The following SLC36A2 variants were observed in gnomAD, a reference collection of about 807,000 sequenced individuals.
SLC36A2 encodes the protein solute carrier family 36 member 2, also known as proton-coupled amino acid transporter 2.
Under a neutral mutation model 42.7 loss-of-function variants are expected in SLC36A2, and 39 were observed. That is an observed-to-expected ratio of 0.91 (90% CI 0.71 to 1.19). The LOEUF (loss-of-function observed/expected upper bound fraction) is 1.19, where lower values mean the gene tolerates loss of function less well. SLC36A2 is among the 50% of genes most tolerant of loss of function. The pLI, the probability that SLC36A2 is intolerant of heterozygous loss-of-function variation, is 0.00. For missense variants in SLC36A2, 590 were observed against 613.7 expected, an observed-to-expected ratio of 0.96 and a Z score of 0.41; for synonymous variants, 237 against 240.8, an observed-to-expected ratio of 0.98 and a Z score of 0.15.
At chr5:151,333,364 C>T (rs760252205) in intron 6 of SLC36A2, 42 bp from the exon 7 acceptor site, 3 of 1,505,118 alleles carry the variant, frequency 2.0e-6, no homozygotes, top group East Asian at 2.3e-5. Flanking sequence ...ACTCTTAAAG[C>T]ACATTTGAGC....
chr5:151,318,476 A>G (rs1364103112), intron 9 of SLC36A2, among the ~76,000 whole-genome samples: 2 of 136,938 alleles, frequency 1.5e-5, no homozygotes, highest in East Asian at 2.0e-4. Flanking sequence ...TAAATAAAAT[A>G]TATTTTATAT....
intron 7 of SLC36A2, among the ~76,000 whole-genome samples, chr5:151,329,202 C>T (rs1755928210): frequency 6.6e-6 from 1 of 152,210 alleles, no homozygotes; most frequent in Non-Finnish European, 1.5e-5. Context: ...CCAATTGGCA[C>T]TGTGTAGCAC....
chr5:151,316,797 G>A lies in SLC36A2; in HGVS notation c.*20C>T, dbSNP rs1755506447. On this transcript the variant is annotated 3_prime_UTR_variant, in exon 10 of 10. Coordinates refer to ENST00000335244, the MANE Select transcript of SLC36A2 (RefSeq NM_181776.3). ...TATAATTAAAAGTCGGGTGCTGGTA[G>A]GCAAGGAGCAGTGCCAGGCTCACCG... is the stretch of plus-strand genomic sequence containing the variant. 1.9e-6 allele frequency: 3 copies of A among 1,611,842 alleles called. No homozygotes were observed. The African/African-American group carries it at 4.0e-5, about 22-fold the overall frequency.
intron 9 of SLC36A2, chr5:151,319,117 G>T: frequency 1.0e-6 from 1 of 966,368 alleles, no homozygotes; most frequent in Non-Finnish European, 1.2e-6. Flanking sequence ...GATTCATTCT[G>T]CATAGGACAT....
Position 151,347,451 on chromosome 5 carries a change from T to C in SLC36A2, c.10A>G (p.Thr4Ala). The change falls in exon 1 of 10, where the codon ACA becomes GCA. Residue 4 changes from threonine (T) to alanine (A), a missense_variant. Physicochemically the swap from Thr to Ala is moderately conservative, Grantham distance 58. Transcript: ENST00000335244. ...CCCTGGGGACCCTCAGTACTTTTTGTCACAGACATGACTGCTTAAGAAACA... is the reference window on the plus strand; with the variant it reads ...CCCTGGGGACCCTCAGTACTTTTTGCCACAGACATGACTGCTTAAGAAACA... MSV[T>A]KSTEGPQGAV... 1.2e-6 allele frequency: 2 copies of C among 1,613,996 alleles called. No individual in the cohort carries two copies. The highest frequency in any genetic ancestry group is 1.7e-6 in the Non-Finnish European group (2 of 1,180,018).
chr5:151,343,605 GAAGGGGAGGC>G lies in SLC36A2; in HGVS notation c.256-17_256-8del, dbSNP rs1561662918. ...GCAGACTGAGTGGGCCCATCTGGAG[GAAGGGGAGGC>G]AAGGGGCGAGGGAGGAGAGAAGAGA... is the stretch of plus-strand genomic sequence containing the variant. On this transcript the variant is annotated splice_region_variant and splice_polypyrimidine_tract_variant and intron_variant, in intron 2 of 9. Coordinates refer to ENST00000335244, the MANE Select transcript of SLC36A2 (RefSeq NM_181776.3). The G allele has an allele frequency of 6.2e-7, 1 of 1,613,822 alleles. No individual in the cohort carries two copies. The highest frequency in any genetic ancestry group is 8.5e-7 in the Non-Finnish European group (1 of 1,179,698).
At position 151,347,401 on chromosome 5, in the gene SLC36A2, A is replaced by G. The variant is rs1756528492; in HGVS notation, c.60T>C (p.Leu20=). The G allele has an allele frequency of 6.2e-7, 1 of 1,614,084 alleles. No individual in the cohort carries two copies. Among genetic ancestry groups the G allele is most frequent in the African/African-American group, 1.3e-5 (1 of 74,924 alleles). Residue 20 remains leucine (L), a synonymous_variant, in exon 1 of 10, where the codon CTT becomes CTC. Coordinates refer to ENST00000335244, the MANE Select transcript of SLC36A2 (RefSeq NM_181776.3). The part of the protein sequence containing the change: ...PQGAVAIKLD[L]MSPPESAKKL... ...TCTTGGCACTTTCAGGAGGCGACAT[A>G]AGGTCCAATTTGATGGCAACGGCTC...
At chr5:151,322,309 T>G in intron 8 of SLC36A2, 94 bp from the exon 9 acceptor site, 1 of 1,452,624 alleles carries the variant, frequency 6.9e-7, no homozygotes, top group Non-Finnish European at 9.5e-7. Context: ...GACAATGACT[T>G]GGGCTTTTGT....
chr5:151,329,938 T>A (rs1755951464), intron 7 of SLC36A2, among the ~76,000 whole-genome samples: 1 of 152,146 alleles, frequency 6.6e-6, no homozygotes, highest in Non-Finnish European at 1.5e-5. Context: ...GAGGGCTGAC[T>A]TTTCATATAC....
At position 151,316,740 on chromosome 5, in the gene SLC36A2, CAAAAA is replaced by C. The variant is rs33912867; in HGVS notation, c.*72_*76del. On this transcript the variant is annotated 3_prime_UTR_variant, in exon 10 of 10. Coordinates refer to ENST00000335244, the MANE Select transcript of SLC36A2 (RefSeq NM_181776.3). The stretch of plus-strand genomic sequence containing the variant: ...GGGCAACAAGACAGAAACTCCGTCT[CAAAAA>C]AAAAAAAAAAAAAAAAAAGAGATCC... The C allele has an allele frequency of 1.1e-3, 949 of 894,840 alleles. 1 individual carries two copies. Among genetic ancestry groups the C allele is most frequent in the Middle Eastern group, 1.5e-3 (4 of 2,642 alleles). 55.4% of individuals were successfully genotyped at this position (894,840 alleles called of 1,614,324 possible).
At position 151,338,939 on chromosome 5, in the gene SLC36A2, C is replaced by T. The variant is rs567683781; in HGVS notation, c.525+121G>A. On this transcript the variant is annotated intron_variant, in intron 5 of 9. Coordinates refer to ENST00000335244, the MANE Select transcript of SLC36A2 (RefSeq NM_181776.3). The stretch of plus-strand genomic sequence containing the variant: ...CTAGGGGAGGCAAGTTTGACAACAT[C>T]TAGTTTAACTTCCTTTGTTACATTG... 1.8e-4 allele frequency: 140 copies of T among 760,002 alleles called. No individual in the cohort carries two copies. In the African/African-American group the frequency reaches 2.0e-3, roughly 11 times the overall value. 47.1% of individuals were successfully genotyped at this position (760,002 alleles called of 1,614,324 possible).
At position 151,335,418 on chromosome 5, in the gene SLC36A2, G is replaced by A. The variant is rs148711275; in HGVS notation, c.655C>T (p.Arg219Trp). The A allele has an allele frequency of 7.4e-6, 12 of 1,614,124 alleles. No individual in the cohort carries two copies. The highest frequency in any genetic ancestry group is 4.0e-5 in the African/African-American group (3 of 75,034). Residue 219 changes from arginine (R) to tryptophan (W), a missense_variant, in exon 6 of 10, where the codon CGG becomes TGG. Transcript: ENST00000335244. ...LPFLVLLVLI[R>W]NLRILTIFSM... is the part of the protein sequence containing the mutation. Reference sequence around the variant, plus strand: ...AAGATGGTCAAGATCCTGAGGTTCCGGATGAGGACCAGCAGCACCAGGAAG... The same window carrying A: ...AAGATGGTCAAGATCCTGAGGTTCCAGATGAGGACCAGCAGCACCAGGAAG...
rs1349694434 is a variant in SLC36A2, at chr5:151,335,482, G to T, written c.591C>A (p.Pro197=). The part of the protein sequence containing the change: ...CYSNETVILT[P]TMDSRLYMLS... ...GCATGTAGAGTCGCGAGTCCATGGT[G>T]GGGGTCAGAATCACCGTCTCATTGG... The change falls in exon 6 of 10, where the codon CCC becomes CCA. Residue 197 remains proline (P), a synonymous_variant. Transcript: ENST00000335244. 1 of 1,614,128 alleles carries T rather than the reference G, an allele frequency of 6.2e-7. No homozygotes were observed. The highest frequency in any genetic ancestry group is 1.7e-5 in the Admixed American group (1 of 60,014).
chr5:151,339,250 T>A, intron 4 of SLC36A2, 106 bp from the exon 5 acceptor site: 2 of 754,916 alleles, frequency 2.6e-6, no homozygotes, highest in Non-Finnish European at 4.6e-6. Context: ...TTGGTTGCCC[T>A]GTACCAGCAC....
rs538402863 is a variant in SLC36A2 at position 151,335,440 on chromosome 5, G to C, written c.633C>G (p.Phe211Leu). Residue 211 changes from phenylalanine to leucine, a missense_variant, in exon 6 of 10, where the codon TTC becomes TTG. By Grantham distance (22) the Phe-to-Leu change is conservative. Transcript: ENST00000335244. ...TCCGGATGAGGACCAGCAGCACCAG[G>C]AAGGGCAGGAAGGAGAGCATGTAGA... ...SRLYMLSFLP[F>L]LVLLVLIRNL... 8.2e-5 allele frequency: 132 copies of C among 1,614,206 alleles called. No individual in the cohort carries two copies. The highest frequency in any genetic ancestry group is 1.1e-4 in the Non-Finnish European group (124 of 1,180,022).
Position 151,325,363 on chromosome 5 carries a change from A to C in SLC36A2, c.933T>G (p.Ile311Met), listed in dbSNP as rs1444060901. The C allele has an allele frequency of 1.2e-6, 2 of 1,614,154 alleles. No individual in the cohort carries two copies. The highest frequency in any genetic ancestry group is 1.7e-6 in the Non-Finnish European group (2 of 1,180,000). ...GCAGGTAGCCCAGAGCCGCCATGCC[A>C]ATGTATAGGGAAGTGACGATGGACA... ...LGMSIVTSLY[I>M]GMAALGYLRF... is the part of the protein sequence containing the mutation. The change falls in exon 8 of 10, where the codon ATT (isoleucine) becomes ATG (methionine). Residue 311 changes from isoleucine (I) to methionine (M), a missense_variant. Ile to Met is a conservative substitution (Grantham distance 10). Transcript: ENST00000335244.
At chr5:151,335,084 T>G (rs1016793001) in intron 6 of SLC36A2, among the ~76,000 whole-genome samples, 1 of 152,098 alleles carries the variant, frequency 6.6e-6, no homozygotes, top group South Asian at 2.1e-4. Flanking sequence ...GCAAGCACAT[T>G]TTTTTAAAAA....
chr5:151,322,063 A>G lies in SLC36A2; in HGVS notation c.1163T>C (p.Val388Ala). ...CTACTCACATGTCAGGCAGACCATG[A>G]CGAGGCGAATGGACAGATCCAGAGG... is the stretch of plus-strand genomic sequence containing the variant. ...ALPLDLSIRL[V>A]MVCLTCLLAI... The change falls in exon 9 of 10, where the codon GTC becomes GCC. Residue 388 changes from valine (V) to alanine (A), a missense_variant. Transcript: ENST00000335244. 2 of 1,614,214 alleles carry G rather than the reference A, an allele frequency of 1.2e-6. No individual in the cohort carries two copies. The highest frequency in any genetic ancestry group is 1.7e-6 in the Non-Finnish European group (2 of 1,180,026).
At chr5:151,327,460 A>G (rs922348902) in intron 7 of SLC36A2, among the ~76,000 whole-genome samples, 7 of 152,158 alleles carry the variant, frequency 4.6e-5, no homozygotes, top group Admixed American at 6.5e-5. Context: ...CGTACATGCA[A>G]ACTTCCAGCC....
Sources: gnomAD v4.1 joint callset for allele counts (sites outside exome capture counted in the v4.1 genomes callset) on GRCh38, gnomAD v4.1.1 for gene constraint, MANE v1.5 for transcripts, NCBI Gene and HGNC (gene_info 2026-07-23, HGNC 2026-07-21) for gene names.